The following CFAP61 variants were observed in gnomAD, a reference collection of about 807,000 sequenced individuals.
CFAP61 encodes the protein cilia- and flagella-associated protein 61.
CFAP61 carries 107 observed loss-of-function variants against 135.6 expected under a neutral mutation model. The ratio of observed to expected loss-of-function variants is 0.79; its 90% CI spans 0.67 to 0.93. The LOEUF is 0.93. Among genes scored for constraint, CFAP61 ranks in the 40% least tolerant of loss-of-function variants. The pLI, the probability that CFAP61 is intolerant of heterozygous loss-of-function variation, is 0.00. For synonymous variants in CFAP61, 575 were observed against 578.5 expected, an observed-to-expected ratio of 0.99 and a Z score of 0.09; for missense variants, 1,507 against 1,556.2, an observed-to-expected ratio of 0.97 and a Z score of 0.53.
intron 6 of CFAP61, among the ~76,000 whole-genome samples, chr20:20,084,373 T>C (rs1291803343): frequency 3.3e-5 from 5 of 151,766 alleles, no homozygotes; most frequent in African/African-American, 1.2e-4. Flanking sequence ...ATGAGGAGGC[T>C]GTGCCAGGAT....
rs144360540 is a variant in CFAP61 at position 20,087,444 on chromosome 20, A to G, written c.567-3400A>G. On this transcript the variant is annotated intron_variant, in intron 6 of 26. Transcript: ENST00000245957. The stretch of plus-strand genomic sequence containing the variant: ...AGGGTAATGACCTTCAGCTGCAACC[A>G]TGTTGCTGCAAAGGACATGATTTCA... Among the ~76,000 whole-genome samples, 836 of 152,300 alleles carry G rather than the reference A, an allele frequency of 5.5e-3. 10 individuals carry two copies. Among genetic ancestry groups the G allele is most frequent in the African/African-American group, 0.019 (792 of 41,550 alleles).
intron 19 of CFAP61, 121 bp from the exon 20 acceptor site, chr20:20,251,474 T>A: frequency 1.2e-6 from 1 of 842,016 alleles, no homozygotes; most frequent in Non-Finnish European, 1.9e-6. Context: ...TCAGTCCTGG[T>A]AAACTCACAG....
chr20:20,201,271 C>T (rs529746572), intron 17 of CFAP61, among the ~76,000 whole-genome samples: 2 of 152,318 alleles, frequency 1.3e-5, no homozygotes, highest in East Asian at 1.9e-4. Flanking sequence ...ATAGTTTGCA[C>T]ATGGGCACCT....
chr20:20,294,666 C>T (rs1383525616), intron 24 of CFAP61, among the ~76,000 whole-genome samples: 1 of 152,088 alleles, frequency 6.6e-6, no homozygotes, highest in African/African-American at 2.4e-5. Context: ...CGGTGGCTCA[C>T]GCCTGTAATC....
Position 20,224,715 on chromosome 20 carries a change from C to T in CFAP61, c.1933-3534C>T, listed in dbSNP as rs551095896. ...GAAAAACAAATAATAATAATAATCT[C>T]TTTGTCTAAAATGCTAACCTAATGC... On this transcript the variant is annotated intron_variant, in intron 17 of 26. Transcript: ENST00000245957. Among the ~76,000 whole-genome samples the T allele has an allele frequency of 3.9e-5, 6 of 152,230 alleles. No individual in the cohort carries two copies. The South Asian group carries it at 1.2e-3, about 32-fold the overall frequency.
In CFAP61 at chr20:20,263,093, A is replaced by G. The variant is rs1448399379; in HGVS notation, c.2466A>G (p.Ala822=). 1.6e-5 allele frequency: 26 copies of G among 1,613,826 alleles called. No individual in the cohort carries two copies. The East Asian group carries it at 3.8e-4, about 24-fold the overall frequency. Residue 822 remains alanine (A), a synonymous_variant, in exon 21 of 27, where the codon GCA becomes GCG. Transcript: ENST00000245957. ...ACGAGGAAGAGGATTGCTTTAAGGC[A>G]CTGATTTGGATAAGGAATAACTCCA... ...TLNEEEDCFK[A]LIWIRNNSIT...
intron 17 of CFAP61, among the ~76,000 whole-genome samples, chr20:20,205,852 C>A (rs1231609234): frequency 6.6e-6 from 1 of 152,150 alleles, no homozygotes; most frequent in African/African-American, 2.4e-5. Flanking sequence ...ATTATGGTGG[C>A]AGCTGCTGGG....
At chr20:20,336,537 A>G (rs1269979307) in intron 25 of CFAP61, among the ~76,000 whole-genome samples, 2 of 152,012 alleles carry the variant, frequency 1.3e-5, no homozygotes, top group Non-Finnish European at 2.9e-5. Context: ...AGGCAGGAGG[A>G]TCACTTAAGC....
intron 9 of CFAP61, among the ~76,000 whole-genome samples, chr20:20,158,101 G>T: frequency 6.8e-6 from 1 of 146,298 alleles, no homozygotes; most frequent in South Asian, 2.2e-4. Flanking sequence ...TGGGGTGGGG[G>T]GAGGGGGGAG....
chr20:20,284,041 A>G (rs1319810170), intron 22 of CFAP61, among the ~76,000 whole-genome samples: 1 of 152,178 alleles, frequency 6.6e-6, no homozygotes, highest in East Asian at 1.9e-4. Context: ...ACTTCTGCCT[A>G]CCACATGCTT....
chr20:20,057,779 G>A (rs2044484456), intron 2 of CFAP61, among the ~76,000 whole-genome samples: 1 of 152,122 alleles, frequency 6.6e-6, no homozygotes, highest in South Asian at 2.1e-4. Context: ...GTGCAGTGGT[G>A]CGATCTCGGC....
chr20:20,206,599 C>T (rs886766321), intron 17 of CFAP61, among the ~76,000 whole-genome samples: 3 of 152,064 alleles, frequency 2.0e-5, no homozygotes, highest in Admixed American at 2.0e-4. Context: ...TACTTTATCT[C>T]TTTTTTATTG....
intron 6 of CFAP61, among the ~76,000 whole-genome samples, chr20:20,089,542 A>T (rs1412867992): frequency 2.6e-5 from 4 of 152,086 alleles, no homozygotes; most frequent in Non-Finnish European, 5.9e-5. Flanking sequence ...TATACTAGAA[A>T]AAAATAACAC....
At chr20:20,323,382 C>T in intron 25 of CFAP61, 2 of 871,428 alleles carry the variant, frequency 2.3e-6, no homozygotes, top group Non-Finnish European at 2.8e-6. Flanking sequence ...GTATGGAATT[C>T]AAATGCCCAG....
At chr20:20,164,996 C>T (rs2053710709) in intron 11 of CFAP61, among the ~76,000 whole-genome samples, 2 of 152,116 alleles carry the variant, frequency 1.3e-5, no homozygotes. Flanking sequence ...GGGGAACCAC[C>T]CCCATGATTC....
intron 17 of CFAP61, among the ~76,000 whole-genome samples, chr20:20,209,399 A>G (rs2047469326): frequency 6.6e-6 from 1 of 152,254 alleles, no homozygotes; most frequent in Admixed American, 6.5e-5. Context: ...ATCAAAAAGC[A>G]TAAAGTTTTA....
chr20:20,284,548 G>C (rs985901632), intron 22 of CFAP61, among the ~76,000 whole-genome samples: 1 of 152,156 alleles, frequency 6.6e-6, no homozygotes, highest in Non-Finnish European at 1.5e-5. Context: ...GCCTCCCAAA[G>C]TGTTGGGATT....
intron 17 of CFAP61, among the ~76,000 whole-genome samples, chr20:20,200,273 C>G (rs1490532254): frequency 1.3e-5 from 2 of 152,232 alleles, no homozygotes; most frequent in African/African-American, 4.8e-5. Context: ...ATTAAGTGGT[C>G]ATTCGCTGTT....
rs573641208 is a variant in CFAP61 at position 20,068,228 on chromosome 20, A to G, written c.144-2626A>G. On this transcript the variant is annotated intron_variant, in intron 2 of 26. Transcript: ENST00000245957. Reference sequence around the variant, plus strand: ...CCACTTCCTCCTCCCTACCATCACCACTATCGTCAGAGCTGACATGTACAG... The same window carrying G: ...CCACTTCCTCCTCCCTACCATCACCGCTATCGTCAGAGCTGACATGTACAG... Among the ~76,000 whole-genome samples the G allele has an allele frequency of 9.2e-5, 14 of 152,308 alleles. No homozygotes were observed. The East Asian group carries it at 2.3e-3, about 25-fold the overall frequency.
Sources: allele counts gnomAD v4.1 joint callset (sites outside exome capture counted in the v4.1 genomes callset), GRCh38; gene constraint gnomAD v4.1.1; transcripts MANE v1.5; gene names NCBI Gene and HGNC (gene_info 2026-07-23, HGNC 2026-07-21).